The following UBE2E3 variants were observed in gnomAD, a reference collection of about 807,000 sequenced individuals.
UBE2E3 encodes ubiquitin-conjugating enzyme E2 E3.
In UBE2E3, 5 loss-of-function variants were observed where a neutral mutation model predicts 23.6. The ratio of observed to expected loss-of-function variants is 0.21; its 90% CI spans 0.11 to 0.44. UBE2E3 has a LOEUF of 0.44. Ranked by LOEUF, UBE2E3 falls within the 20% of genes least tolerant of loss-of-function variation. The pLI is 0.99. For synonymous variants in UBE2E3, 78 were observed against 87.5 expected, an observed-to-expected ratio of 0.89 and a Z score of 0.60; for missense variants, 81 against 249.8, an observed-to-expected ratio of 0.32 and a Z score of 4.55.
intron 3 of UBE2E3, among the ~76,000 whole-genome samples, chr2:181,018,569 A>G (rs1232450818): frequency 7.2e-6 from 1 of 138,356 alleles, no homozygotes; most frequent in East Asian, 2.1e-4. Context: ...TTATTTGCTG[A>G]TCTCCCTGCA....
At chr2:181,052,572 T>G (rs1686872366) in intron 3 of UBE2E3, among the ~76,000 whole-genome samples, 1 of 151,844 alleles carries the variant, frequency 6.6e-6, no homozygotes, top group African/African-American at 2.4e-5. Flanking sequence ...AATGGTTGAG[T>G]GCTGAAAGTT....
intron 3 of UBE2E3, among the ~76,000 whole-genome samples, chr2:181,043,826 T>G (rs1227029779): frequency 6.6e-6 from 1 of 152,192 alleles, no homozygotes; most frequent in African/African-American, 2.4e-5. Context: ...CATGAATATT[T>G]CTCCATGTCA....
chr2:181,035,723 T>C (rs946924338), intron 3 of UBE2E3, among the ~76,000 whole-genome samples: 1 of 152,144 alleles, frequency 6.6e-6, no homozygotes, highest in African/African-American at 2.4e-5. Flanking sequence ...GTCATTAATG[T>C]TAGTGTATTT....
intron 3 of UBE2E3, among the ~76,000 whole-genome samples, chr2:180,988,019 A>C (rs1185641936): frequency 6.6e-6 from 1 of 152,178 alleles, no homozygotes; most frequent in East Asian, 1.9e-4. Context: ...CTAACTTGCT[A>C]TGTTATTACC....
intron 3 of UBE2E3, among the ~76,000 whole-genome samples, chr2:181,040,622 T>C (rs545395058): frequency 6.6e-6 from 1 of 152,326 alleles, no homozygotes; most frequent in Admixed American, 6.5e-5. Context: ...GTATAAGGTA[T>C]ACTACAAATT....
chr2:180,986,767 CAG>C (rs1684483662), intron 3 of UBE2E3, among the ~76,000 whole-genome samples: 1 of 152,056 alleles, frequency 6.6e-6, no homozygotes. Context: ...AAGTACATGA[CAG>C]ATTTAATTCT....
chr2:180,997,133 TC>T (rs1684847568), intron 3 of UBE2E3, among the ~76,000 whole-genome samples: 1 of 151,792 alleles, frequency 6.6e-6, no homozygotes, highest in Admixed American at 6.6e-5. Context: ...ACCCTTCTAA[TC>T]TCTCTTCAAT....
At chr2:180,988,221 T>A (rs1366309704) in intron 3 of UBE2E3, among the ~76,000 whole-genome samples, 2 of 152,154 alleles carry the variant, frequency 1.3e-5, no homozygotes. Context: ...TAGCCTGTAG[T>A]GATGTGCTCT....
chr2:181,016,953 A>G (rs1685510219), intron 3 of UBE2E3, among the ~76,000 whole-genome samples: 1 of 152,206 alleles, frequency 6.6e-6, no homozygotes, highest in Non-Finnish European at 1.5e-5. Flanking sequence ...GAGCCTGGAA[A>G]TGCCATAACT....
chr2:180,991,919 A>AT (rs1161589432), intron 3 of UBE2E3, among the ~76,000 whole-genome samples: 5 of 152,182 alleles, frequency 3.3e-5, no homozygotes, highest in Non-Finnish European at 7.4e-5. Flanking sequence ...TCCATTTAAT[A>AT]TTTTTGGACT....
intron 3 of UBE2E3, chr2:180,989,820 A>G: frequency 6.8e-7 from 1 of 1,479,888 alleles, no homozygotes; most frequent in Non-Finnish European, 9.1e-7. Context: ...ATAACCAATT[A>G]GTACTTTATG....
intron 1 of UBE2E3, 72 bp from the exon 2 acceptor site, chr2:180,981,946 A>G: frequency 8.8e-7 from 1 of 1,138,734 alleles, no homozygotes; most frequent in Non-Finnish European, 1.3e-6. Flanking sequence ...TTAGATGACT[A>G]GAAGAAAATG....
chr2:181,040,848 C>T (rs1686468227), intron 3 of UBE2E3, among the ~76,000 whole-genome samples: 1 of 152,090 alleles, frequency 6.6e-6, no homozygotes, highest in African/African-American at 2.4e-5. Flanking sequence ...TTAGACTGTG[C>T]AGTAAATGAG....
intron 3 of UBE2E3, among the ~76,000 whole-genome samples, chr2:181,039,240 C>G (rs1243181332): frequency 3.4e-5 from 5 of 144,934 alleles, no homozygotes; most frequent in Non-Finnish European, 1.5e-5. Context: ...CAGGACTATA[C>G]ATTTGTCAAA....
chr2:181,008,692 G>GT (rs898798127), intron 3 of UBE2E3, among the ~76,000 whole-genome samples: 2 of 152,188 alleles, frequency 1.3e-5, no homozygotes, highest in African/African-American at 4.8e-5. Flanking sequence ...GATTTCCTTA[G>GT]TGGACTAGTT....
chr2:181,023,904 CTAT>C (rs911188589), intron 3 of UBE2E3, among the ~76,000 whole-genome samples: 3 of 152,102 alleles, frequency 2.0e-5, no homozygotes, highest in Non-Finnish European at 4.4e-5. Context: ...ATCATTACTA[CTAT>C]TATTATTATC....
intron 3 of UBE2E3, among the ~76,000 whole-genome samples, chr2:181,025,811 A>T (rs560329773): frequency 6.6e-6 from 1 of 152,080 alleles, no homozygotes; most frequent in East Asian, 1.9e-4. Context: ...CTTCTATAAG[A>T]ACAATTCTAA....
chr2:180,986,795 TGTAAA>T (rs1284519417), intron 3 of UBE2E3, among the ~76,000 whole-genome samples: 5 of 152,078 alleles, frequency 3.3e-5, no homozygotes, highest in African/African-American at 4.8e-5. Flanking sequence ...AGGGAAGAAA[TGTAAA>T]GTATATCTGT....
chr2:180,989,476 TG>T (rs1684586493), intron 3 of UBE2E3, among the ~76,000 whole-genome samples: 1 of 152,208 alleles, frequency 6.6e-6, no homozygotes, highest in Non-Finnish European at 1.5e-5. Flanking sequence ...TTCATAATTA[TG>T]ATACTTAATA....
Sources: allele counts gnomAD v4.1 joint callset (sites outside exome capture counted in the v4.1 genomes callset), GRCh38; gene constraint gnomAD v4.1.1; transcripts MANE v1.5; gene names NCBI Gene and HGNC (gene_info 2026-07-23, HGNC 2026-07-21).